KIAA1328: variants seen among roughly 807,000 people sequenced by gnomAD.
KIAA1328 encodes the protein protein hinderin.
Under a neutral mutation model 68.1 loss-of-function variants are expected in KIAA1328, and 52 were observed. That is an observed-to-expected ratio of 0.76 (90% CI 0.61 to 0.96). The LOEUF (loss-of-function observed/expected upper bound fraction) is 0.96. Ranked by LOEUF, KIAA1328 falls within the 40% of genes least tolerant of loss-of-function variation. KIAA1328 has a pLI of 0.00. For synonymous variants in KIAA1328, 232 were observed against 239.4 expected (o/e 0.97, Z 0.28); for missense variants, 641 against 677.6 (o/e 0.95, Z 0.60).
rs183373915 is a variant in KIAA1328 at position 36,927,080 on chromosome 18, T to A, written c.449-32228T>A. On this transcript the variant is annotated intron_variant, in intron 5 of 9. Coordinates refer to ENST00000280020, the MANE Select transcript of KIAA1328 (RefSeq NM_020776.3). ...GCCATTTATGAGGGATCTGCCCCCA[T>A]GATTCATTTACCTCCCACCAGGCTC... is the stretch of plus-strand genomic sequence containing the variant. 2.0e-5 allele frequency among the ~76,000 whole-genome samples: 3 copies of A among 152,302 alleles called. No homozygotes were observed. In the East Asian group the frequency reaches 5.8e-4, roughly 29 times the overall value.
chr18:37,076,068 A>T (rs1203807713), intron 7 of KIAA1328, among the ~76,000 whole-genome samples: 1 of 152,172 alleles, frequency 6.6e-6, no homozygotes, highest in Non-Finnish European at 1.5e-5. Flanking sequence ...TCCAAAATTG[A>T]CCACATAGTT....
At chr18:37,210,557 TG>T (rs970708328) in intron 9 of KIAA1328, among the ~76,000 whole-genome samples, 1 of 152,212 alleles carries the variant, frequency 6.6e-6, no homozygotes, top group African/African-American at 2.4e-5. Context: ...TTTATGGGTC[TG>T]GATAAGTTGT....
intron 9 of KIAA1328, among the ~76,000 whole-genome samples, chr18:37,221,303 A>C (rs1312167042): frequency 2.0e-5 from 3 of 152,240 alleles, no homozygotes; most frequent in Non-Finnish European, 4.4e-5. Flanking sequence ...TTCAGTGCCT[A>C]TTATGTATTC....
intron 5 of KIAA1328, among the ~76,000 whole-genome samples, chr18:36,910,687 G>A (rs1245663443): frequency 6.6e-6 from 1 of 152,068 alleles, no homozygotes; most frequent in Non-Finnish European, 1.5e-5. Flanking sequence ...GTTGGGGATG[G>A]CATTAAATCT....
In KIAA1328 at chr18:37,067,561, T is replaced by C; in HGVS notation, c.1232+16T>C. ...ATTACAATTGGTGAGTACTGCCTGTTCTTTTTTTTTTTTTTTTGAGACGAA... is the reference window on the plus strand; with the variant it reads ...ATTACAATTGGTGAGTACTGCCTGTCCTTTTTTTTTTTTTTTTGAGACGAA... On this transcript the variant is annotated intron_variant, in intron 7 of 9. Transcript: ENST00000280020. The C allele has an allele frequency of 6.9e-7, 1 of 1,439,452 alleles. No homozygotes were observed. The highest frequency in any genetic ancestry group is 9.0e-7 in the Non-Finnish European group (1 of 1,107,584). The allele number at this position is 1,439,452 out of a possible 1,614,324, so 89.2% of individuals were successfully genotyped here. A position where few individuals can be genotyped will look rare whatever the true frequency, so the allele number is the denominator to read the frequency against.
chr18:37,173,999 G>C (rs1459491796), intron 9 of KIAA1328, among the ~76,000 whole-genome samples: 1 of 152,098 alleles, frequency 6.6e-6, no homozygotes, highest in Non-Finnish European at 1.5e-5. Context: ...AGCTAGAAAG[G>C]TAAGCATCTT....
At chr18:36,837,199 G>A (rs2046707278) in intron 3 of KIAA1328, among the ~76,000 whole-genome samples, 1 of 152,122 alleles carries the variant, frequency 6.6e-6, no homozygotes, top group Admixed American at 6.5e-5. Context: ...GTTACACCAT[G>A]TTACATTCGA....
chr18:37,079,120 C>T (rs1278366977), intron 7 of KIAA1328, among the ~76,000 whole-genome samples: 2 of 142,866 alleles, frequency 1.4e-5, no homozygotes, highest in Non-Finnish European at 3.0e-5. Flanking sequence ...GAAAATGTGG[C>T]ACATATACAC....
chr18:36,854,836 C>G (rs963293592), intron 4 of KIAA1328, among the ~76,000 whole-genome samples: 7 of 152,142 alleles, frequency 4.6e-5, no homozygotes, highest in African/African-American at 1.7e-4. Flanking sequence ...TTTCTCCTCT[C>G]TTCAGCCCCT....
At chr18:37,152,117 AC>A (rs1315622732) in intron 7 of KIAA1328, among the ~76,000 whole-genome samples, 116 of 149,224 alleles carry the variant, frequency 7.8e-4, no homozygotes, top group Middle Eastern at 3.5e-3. Flanking sequence ...AAAAAAAAAA[AC>A]AGATTAGCAA....
chr18:36,832,292 A>C (rs2046518778), intron 1 of KIAA1328, among the ~76,000 whole-genome samples: 1 of 152,178 alleles, frequency 6.6e-6, no homozygotes, highest in Non-Finnish European at 1.5e-5. Context: ...AGCTGAAAGT[A>C]AAAGGTTTTG....
chr18:37,042,135 T>C (rs1468010277), intron 6 of KIAA1328, among the ~76,000 whole-genome samples: 1 of 152,088 alleles, frequency 6.6e-6, no homozygotes, highest in Non-Finnish European at 1.5e-5. Context: ...TGGGCTCAAG[T>C]GATGCACCCA....
At chr18:36,974,370 C>G (rs1408831211) in intron 6 of KIAA1328, among the ~76,000 whole-genome samples, 1 of 152,124 alleles carries the variant, frequency 6.6e-6, no homozygotes, top group Admixed American at 6.5e-5. Flanking sequence ...TCCACATTAT[C>G]TAGCTCTCAT....
intron 9 of KIAA1328, among the ~76,000 whole-genome samples, chr18:37,205,763 C>G (rs1010030219): frequency 1.3e-5 from 2 of 152,176 alleles, no homozygotes; most frequent in African/African-American, 2.4e-5. Context: ...TGCTGCTTAA[C>G]TAATTCCCCA....
chr18:36,855,659 G>T (rs2047358193), intron 4 of KIAA1328, among the ~76,000 whole-genome samples: 2 of 151,640 alleles, frequency 1.3e-5, no homozygotes, highest in South Asian at 4.2e-4. Context: ...TTTTGATTAA[G>T]TCTAAATTCT....
chr18:36,991,275 A>G (rs890369757), intron 6 of KIAA1328, among the ~76,000 whole-genome samples: 2 of 152,158 alleles, frequency 1.3e-5, no homozygotes, highest in African/African-American at 4.8e-5. Context: ...GTTAGATTTA[A>G]CATGGTTTAA....
intron 4 of KIAA1328, among the ~76,000 whole-genome samples, chr18:36,872,134 G>A (rs567101071): frequency 3.3e-5 from 5 of 152,046 alleles, no homozygotes; most frequent in Non-Finnish European, 4.4e-5. Flanking sequence ...TAGGATACTC[G>A]TAAAAATCAC....
At chr18:36,915,016 C>A (rs1016942184) in intron 5 of KIAA1328, among the ~76,000 whole-genome samples, 1 of 152,184 alleles carries the variant, frequency 6.6e-6, no homozygotes, top group South Asian at 2.1e-4. Context: ...TAGCAAGATT[C>A]TTTGCAGCTA....
intron 4 of KIAA1328, among the ~76,000 whole-genome samples, chr18:36,868,938 AT>A (rs2047849841): frequency 6.6e-6 from 1 of 151,722 alleles, no homozygotes; most frequent in Non-Finnish European, 1.5e-5. Flanking sequence ...TCTGGTCTTT[AT>A]TTTTTTAAAC....
Sources: allele counts gnomAD v4.1 joint callset (sites outside exome capture counted in the v4.1 genomes callset), GRCh38; gene constraint gnomAD v4.1.1; transcripts MANE v1.5; gene names NCBI Gene and HGNC (gene_info 2026-07-23, HGNC 2026-07-21).